The following CCSER1 variants were observed in gnomAD, a reference collection of about 807,000 sequenced individuals.
The protein encoded by CCSER1 is coiled-coil serine rich protein 1, also known as serine-rich coiled-coil domain-containing protein 1.
Under a neutral mutation model 82.0 loss-of-function variants are expected in CCSER1, and 41 were observed. That is an observed-to-expected ratio of 0.50 (90% CI 0.39 to 0.65). The LOEUF (loss-of-function observed/expected upper bound fraction) is 0.65. Ranked by LOEUF, CCSER1 falls within the 30% of genes least tolerant of loss-of-function variation. The probability of loss-of-function intolerance (pLI) is 0.00; values close to 1 mark genes in which losing one functional copy is unlikely to be tolerated. For synonymous variants in CCSER1, 414 were observed against 383.9 expected (o/e 1.08, Z -0.92); for missense variants, 1,119 against 1,064.2 (o/e 1.05, Z -0.72).
At chr4:91,042,208 T>C (rs969569935) in intron 9 of CCSER1, among the ~76,000 whole-genome samples, 3 of 152,160 alleles carry the variant, frequency 2.0e-5, no homozygotes, top group African/African-American at 7.2e-5. Context: ...CCCCATGATG[T>C]TCTTGTTATA....
chr4:90,154,852 C>G (rs1191515090), intron 1 of CCSER1, among the ~76,000 whole-genome samples: 1 of 151,614 alleles, frequency 6.6e-6, no homozygotes, highest in Admixed American at 6.6e-5. Flanking sequence ...TCCTCTTTTC[C>G]TAACTGAATA....
At chr4:91,107,580 G>A (rs1725737409) in intron 10 of CCSER1, among the ~76,000 whole-genome samples, 1 of 151,346 alleles carries the variant, frequency 6.6e-6, no homozygotes, top group African/African-American at 2.4e-5. Context: ...AGCAATGCAT[G>A]ATGGTAATTA....
At chr4:91,315,265 G>A (rs371015748) in intron 10 of CCSER1, among the ~76,000 whole-genome samples, 2 of 151,848 alleles carry the variant, frequency 1.3e-5, no homozygotes, top group African/African-American at 4.8e-5. Context: ...CAGGAAACGA[G>A]ATGCAAATGG....
chr4:90,987,620 A>AT, intron 9 of CCSER1, among the ~76,000 whole-genome samples: 2 of 151,816 alleles, frequency 1.3e-5, no homozygotes, highest in East Asian at 3.9e-4. Flanking sequence ...AAAAAAATGA[A>AT]TTTTTATTAC....
intron 8 of CCSER1, among the ~76,000 whole-genome samples, chr4:90,901,976 T>A (rs1277710963): frequency 1.3e-5 from 2 of 151,962 alleles, no homozygotes; most frequent in Non-Finnish European, 2.9e-5. Flanking sequence ...AAGACTTTCT[T>A]CATTTTTTAA....
chr4:91,112,338 T>C (rs1726163829), intron 10 of CCSER1, among the ~76,000 whole-genome samples: 1 of 152,128 alleles, frequency 6.6e-6, no homozygotes. Context: ...ATTATAAAGT[T>C]TGACTGTGTT....
intron 7 of CCSER1, among the ~76,000 whole-genome samples, chr4:90,764,642 A>G (rs965002286): frequency 1.3e-5 from 2 of 152,158 alleles, no homozygotes; most frequent in African/African-American, 4.8e-5. Flanking sequence ...TATGAATCTT[A>G]AAATATCAAT....
At chr4:91,191,479 A>G (rs1156575262) in intron 10 of CCSER1, among the ~76,000 whole-genome samples, 1 of 152,166 alleles carries the variant, frequency 6.6e-6, no homozygotes, top group African/African-American at 2.4e-5. Context: ...ATGAATTTTG[A>G]TAAGTGATGC....
rs535613802 is a variant in CCSER1 at position 91,548,680 on chromosome 4, C to T, written c.2218-49892C>T. 4.4e-4 allele frequency among the ~76,000 whole-genome samples: 67 copies of T among 151,870 alleles called. 1 individual carries two copies. The highest frequency in any genetic ancestry group is 1.5e-3 in the African/African-American group (64 of 41,434). The stretch of plus-strand genomic sequence containing the variant: ...TCAATATTTTAAATATTCTATTCAA[C>T]TCTCTTCTATCTGGCATGGTTTCTG... On this transcript the variant is annotated intron_variant, in intron 10 of 10. Coordinates refer to ENST00000509176, the MANE Select transcript of CCSER1 (RefSeq NM_001145065.2).
intron 10 of CCSER1, among the ~76,000 whole-genome samples, chr4:91,333,076 T>C (rs1159824831): frequency 6.6e-6 from 1 of 152,082 alleles, no homozygotes; most frequent in Non-Finnish European, 1.5e-5. Flanking sequence ...ACATCCATTC[T>C]TGTCACAAAG....
At chr4:90,946,091 C>G (rs929475315) in intron 9 of CCSER1, among the ~76,000 whole-genome samples, 1 of 152,052 alleles carries the variant, frequency 6.6e-6, no homozygotes, top group Non-Finnish European at 1.5e-5. Context: ...AATAAGATAA[C>G]TTTTTGCCTT....
intron 10 of CCSER1, among the ~76,000 whole-genome samples, chr4:91,317,578 C>A (rs7693018): frequency 0.086 from 12,990 of 151,684 alleles, 826 homozygotes; most frequent in East Asian, 0.2. Flanking sequence ...ATTTAGGAAA[C>A]AAAGTATATA....
rs1437027102 is a variant in CCSER1 at position 91,189,938 on chromosome 4, T to C, written c.2217+103944T>C. 2.0e-5 allele frequency among the ~76,000 whole-genome samples: 3 copies of C among 152,326 alleles called. No homozygotes were observed. The East Asian group carries it at 5.8e-4, about 29-fold the overall frequency. ...TTCTTATAGCAGCAGAGGAGTCTGCTGCAAGGATTTTACTCTTCTGTCCTA... is the reference window on the plus strand; with the variant it reads ...TTCTTATAGCAGCAGAGGAGTCTGCCGCAAGGATTTTACTCTTCTGTCCTA... On this transcript the variant is annotated intron_variant, in intron 10 of 10. Coordinates refer to ENST00000509176, the MANE Select transcript of CCSER1 (RefSeq NM_001145065.2).
intron 10 of CCSER1, among the ~76,000 whole-genome samples, chr4:91,155,466 A>T (rs1730719041): frequency 6.6e-6 from 1 of 151,906 alleles, no homozygotes; most frequent in African/African-American, 2.4e-5. Context: ...GCAGCATGAG[A>T]ACGGACTAAT....
chr4:91,032,935 G>T (rs1741109644), intron 9 of CCSER1, among the ~76,000 whole-genome samples: 1 of 152,074 alleles, frequency 6.6e-6, no homozygotes, highest in African/African-American at 2.4e-5. Context: ...GACTTCTTTG[G>T]TAGTTCCTTC....
At chr4:90,569,233 G>GA (rs1190520468) in intron 5 of CCSER1, among the ~76,000 whole-genome samples, 181 of 148,284 alleles carry the variant, frequency 1.2e-3, no homozygotes, top group East Asian at 1.6e-3. Flanking sequence ...TACAAAATAA[G>GA]AAAAAAAAAA....
chr4:91,598,259 G>A (rs545847782), intron 10 of CCSER1, among the ~76,000 whole-genome samples: 15 of 152,110 alleles, frequency 9.9e-5, no homozygotes, highest in African/African-American at 2.4e-4. Flanking sequence ...CTCTGGTATC[G>A]CTTCAAATCA....
rs549132599 is a variant in CCSER1, at chr4:91,104,483, T to C, written c.2217+18489T>C. Among the ~76,000 whole-genome samples, 341 of 152,124 alleles carry C rather than the reference T, an allele frequency of 2.2e-3. 4 individuals are homozygous for C. The highest frequency in any genetic ancestry group is 6.3e-4 in the South Asian group (3 of 4,800). ...TTATTTCCCAGCTGGCCAACACTTA[T>C]GGAAAATAGACAGAACCTATGTTGA... On this transcript the variant is annotated intron_variant, in intron 10 of 10. Coordinates refer to ENST00000509176, the MANE Select transcript of CCSER1 (RefSeq NM_001145065.2).
intron 5 of CCSER1, 98 bp from the exon 6 acceptor site, chr4:90,627,927 T>C (rs1438408578): frequency 4.7e-6 from 4 of 856,658 alleles, no homozygotes; most frequent in Non-Finnish European, 7.6e-6. Context: ...ACACAAGAAA[T>C]ACTTTCTAGG....
Sources: gnomAD v4.1 joint callset for allele counts (sites outside exome capture counted in the v4.1 genomes callset) on GRCh38, gnomAD v4.1.1 for gene constraint, MANE v1.5 for transcripts, NCBI Gene and HGNC (gene_info 2026-07-23, HGNC 2026-07-21) for gene names.